CCNJL: variants seen among roughly 807,000 people sequenced by gnomAD.
CCNJL encodes cyclin-J-like protein.
Under a neutral mutation model 33.4 loss-of-function variants are expected in CCNJL, and 33 were observed. That is an observed-to-expected ratio of 0.99 (90% CI 0.75 to 1.32). The LOEUF (loss-of-function observed/expected upper bound fraction) is 1.32, where lower values mean the gene tolerates loss of function less well. Among genes scored for constraint, CCNJL ranks in the 40% most tolerant of loss-of-function variants. The pLI is 0.00. For missense variants in CCNJL, 512 were observed against 499.7 expected, an observed-to-expected ratio of 1.02 and a Z score of -0.23; for synonymous variants, 227 against 220.9, an observed-to-expected ratio of 1.03 and a Z score of -0.24.
At chr5:160,338,224 C>T (rs977608984) in intron 1 of CCNJL, among the ~76,000 whole-genome samples, 2 of 129,510 alleles carry the variant, frequency 1.5e-5, no homozygotes, top group Non-Finnish European at 3.5e-5. Context: ...TGGTGAAACC[C>T]CGTCTCTACA....
Position 160,309,509 on chromosome 5 carries a change from T to C in CCNJL, c.66+2349A>G, listed in dbSNP as rs141651238. On this transcript the variant is annotated intron_variant, in intron 2 of 5. Transcript: ENST00000257536. ...GTGTCTACTGTGTGCCACGCTCTTG[T>C]AAAGTTGTTCTACAGTGTTAGAAAC... Among the ~76,000 whole-genome samples the C allele has an allele frequency of 2.8e-4, 42 of 152,332 alleles. No individual in the cohort carries two copies. The East Asian group carries it at 7.9e-3, about 29-fold the overall frequency.
chr5:160,300,270 G>A (rs978604540), intron 2 of CCNJL, among the ~76,000 whole-genome samples: 8 of 152,138 alleles, frequency 5.3e-5, no homozygotes, highest in African/African-American at 1.4e-4. Context: ...GCAATGCGGG[G>A]ACTAAGAGGG....
intron 1 of CCNJL, among the ~76,000 whole-genome samples, chr5:160,333,708 G>A (rs1763640852): frequency 1.3e-5 from 2 of 151,864 alleles, no homozygotes; most frequent in South Asian, 4.2e-4. Flanking sequence ...AGAGGACCAA[G>A]CGGAAGGTGG....
At chr5:160,306,607 G>C (rs1044605306) in intron 2 of CCNJL, among the ~76,000 whole-genome samples, 2 of 152,200 alleles carry the variant, frequency 1.3e-5, no homozygotes, top group African/African-American at 4.8e-5. Context: ...CCTGTATTCA[G>C]AAAGTCTTCT....
At chr5:160,327,996 G>C (rs549819691) in intron 1 of CCNJL, among the ~76,000 whole-genome samples, 1 of 152,358 alleles carries the variant, frequency 6.6e-6, no homozygotes, top group Non-Finnish European at 1.5e-5. Flanking sequence ...CCTCCATTGA[G>C]AGCTGAGTGA....
chr5:160,320,780 CTTTCTTTCCTTT>C, intron 1 of CCNJL, among the ~76,000 whole-genome samples: 1 of 145,780 alleles, frequency 6.9e-6, no homozygotes, highest in East Asian at 1.9e-4. Flanking sequence ...TCTTTCTTTT[CTTTCTTTCCTTT>C]CTTTCTTTCT....
intron 2 of CCNJL, among the ~76,000 whole-genome samples, chr5:160,308,056 G>A (rs1315273013): frequency 1.3e-5 from 2 of 152,248 alleles, no homozygotes; most frequent in East Asian, 1.9e-4. Context: ...AGGACCAATG[G>A]TCCAAGTGGC....
intron 2 of CCNJL, among the ~76,000 whole-genome samples, chr5:160,303,034 T>C (rs1762973459): frequency 6.6e-6 from 1 of 152,162 alleles, no homozygotes; most frequent in African/African-American, 2.4e-5. Flanking sequence ...CTCTTTTGTA[T>C]AGCGTGGTTT....
chr5:160,259,369 G>T, intron 4 of CCNJL, 100 bp downstream of exon 4: 2 of 1,052,512 alleles, frequency 1.9e-6, no homozygotes, highest in Non-Finnish European at 2.8e-6. Context: ...CCAGTGAGAA[G>T]GCCTGATCTG....
rs1177369719 is a variant in CCNJL, at chr5:160,291,036, TAA to T, written c.67-10300_67-10299del. 2.1e-3 allele frequency among the ~76,000 whole-genome samples: 121 copies of T among 57,534 alleles called. 1 individual carries two copies. In the East Asian group the frequency reaches 0.032, roughly 15 times the overall value. 37.7% of individuals were successfully genotyped at this position (57,534 alleles called of 152,430 possible). A position where few individuals can be genotyped will look rare whatever the true frequency, so the allele number is the denominator to read the frequency against. On this transcript the variant is annotated intron_variant, in intron 2 of 5. Transcript: ENST00000257536. ...AACATAGAAACACCCCGTCTTTACT[TAA>T]AAAAAAAAAAAAAAAAAAAAAAAGA...
intron 2 of CCNJL, among the ~76,000 whole-genome samples, chr5:160,302,996 C>T (rs975061219): frequency 9.2e-5 from 14 of 152,016 alleles, no homozygotes; most frequent in Admixed American, 2.6e-4. Context: ...TTGGGGACAA[C>T]GGTGGCAGGA....
intron 2 of CCNJL, among the ~76,000 whole-genome samples, chr5:160,285,238 C>G (rs749343469): frequency 2.4e-4 from 36 of 152,216 alleles, no homozygotes; most frequent in African/African-American, 6.5e-4. Flanking sequence ...CCCAGCTTAA[C>G]TTCTTTAAGG....
chr5:160,338,044 A>G (rs773928031), intron 1 of CCNJL, among the ~76,000 whole-genome samples: 2 of 152,212 alleles, frequency 1.3e-5, no homozygotes, highest in Non-Finnish European at 2.9e-5. Flanking sequence ...ACAATTCAGA[A>G]CTAAGCAAGT....
At chr5:160,291,452 A>G (rs1187278195) in intron 2 of CCNJL, among the ~76,000 whole-genome samples, 1 of 152,192 alleles carries the variant, frequency 6.6e-6, no homozygotes, top group Non-Finnish European at 1.5e-5. Context: ...AAAAAATAAT[A>G]TAACTTTGGA....
Position 160,259,680 on chromosome 5 carries a change from C to T in CCNJL, c.372G>A (p.Lys124=). The T allele has an allele frequency of 6.2e-7, 1 of 1,614,180 alleles. No homozygotes were observed. The highest frequency in any genetic ancestry group is 8.5e-7 in the Non-Finnish European group (1 of 1,180,028). Residue 124 remains lysine, a synonymous_variant, in exon 4 of 6, where the codon AAG becomes AAA. Transcript: ENST00000257536. ...ILSSQNFTLT[K]KELLSTELLL... The stretch of plus-strand genomic sequence containing the variant: ...GCAGCTCTGTGCTCAGCAGCTCCTT[C>T]TTGGTGAGGGTGAAGTTCTGGCTGC...
intron 2 of CCNJL, among the ~76,000 whole-genome samples, chr5:160,303,606 T>C (rs756363860): frequency 1.3e-5 from 2 of 151,892 alleles, no homozygotes; most frequent in Non-Finnish European, 2.9e-5. Flanking sequence ...TCAACAGAGA[T>C]TGTTTCCAAG....
chr5:160,303,471 G>A (rs932278012), intron 2 of CCNJL, among the ~76,000 whole-genome samples: 1 of 151,324 alleles, frequency 6.6e-6, no homozygotes, highest in Non-Finnish European at 1.5e-5. Context: ...CTCCCAAAGT[G>A]CTGGGATTAC....
At chr5:160,281,887 T>G (rs1345571097) in intron 2 of CCNJL, among the ~76,000 whole-genome samples, 2 of 152,134 alleles carry the variant, frequency 1.3e-5, no homozygotes, top group African/African-American at 2.4e-5. Context: ...ACTCCTGACC[T>G]CAAGCGATCC....
chr5:160,276,661 C>T (rs1762023802), intron 3 of CCNJL, among the ~76,000 whole-genome samples: 1 of 152,112 alleles, frequency 6.6e-6, no homozygotes, highest in African/African-American at 2.4e-5. Context: ...TACGAAGTTT[C>T]CTTTTAAGGT....
Sources: allele counts gnomAD v4.1 joint callset (sites outside exome capture counted in the v4.1 genomes callset), GRCh38; gene constraint gnomAD v4.1.1; transcripts MANE v1.5; gene names NCBI Gene and HGNC (gene_info 2026-07-23, HGNC 2026-07-21).